The following LOC128092252 variants were observed in gnomAD, a reference collection of about 807,000 sequenced individuals.
the LOC128092252 span, among the ~76,000 whole-genome samples, chr15:50,670,506 A>G: frequency 6.6e-6 from 1 of 152,162 alleles, no homozygotes; most frequent in Admixed American, 6.5e-5. Flanking sequence ...GCTAATTATA[A>G]TGTATCACCA....
At chr15:50,672,186 TG>T in the LOC128092252 span, among the ~76,000 whole-genome samples, 1 of 152,238 alleles carries the variant, frequency 6.6e-6, no homozygotes, top group South Asian at 2.1e-4. Context: ...CCTGAGCAGC[TG>T]GGACTACAGG....
chr15:50,662,633 T>C, the LOC128092252 span, among the ~76,000 whole-genome samples: 5 of 152,184 alleles, frequency 3.3e-5, no homozygotes, highest in African/African-American at 1.2e-4. Flanking sequence ...CAAATTTAAG[T>C]TCCCAATATC....
the LOC128092252 span, among the ~76,000 whole-genome samples, chr15:50,681,023 C>T: frequency 2.0e-5 from 3 of 151,984 alleles, no homozygotes; most frequent in African/African-American, 7.2e-5. Flanking sequence ...GAGGCCAAGG[C>T]GGGCAGATCA....
chr15:50,686,554 C>T, the LOC128092252 span: 1 of 1,609,678 alleles, frequency 6.2e-7, no homozygotes, highest in Non-Finnish European at 8.5e-7. Context: ...GGGCGGACTC[C>T]GGAAGGGCAG....
At chr15:50,685,411 C>A in the LOC128092252 span, among the ~76,000 whole-genome samples, 1 of 152,176 alleles carries the variant, frequency 6.6e-6, no homozygotes, top group South Asian at 2.1e-4. Flanking sequence ...GAGCGGAGAT[C>A]GCGCCACTTC....
At chr15:50,683,137 C>T in the LOC128092252 span, among the ~76,000 whole-genome samples, 1 of 151,820 alleles carries the variant, frequency 6.6e-6, no homozygotes, top group Non-Finnish European at 1.5e-5. Flanking sequence ...ATCCACCCGC[C>T]TCAGTCTCTC....
At chr15:50,673,065 AATTT>A in the LOC128092252 span, among the ~76,000 whole-genome samples, 3 of 151,242 alleles carry the variant, frequency 2.0e-5, no homozygotes, top group East Asian at 1.9e-4. Context: ...AGCTAGCGTT[AATTT>A]ATTATTGAAT....
At chr15:50,679,538 A>ATTTTTTTTTTTTTTTTTTT in the LOC128092252 span, among the ~76,000 whole-genome samples, 1 of 43,904 alleles carries the variant, frequency 2.3e-5, no homozygotes, top group African/African-American at 1.1e-4. Context: ...ATATATATAT[A>ATTTTTTTTTTTTTTTTTTT]TTTTTTTTTT....
the LOC128092252 span, chr15:50,662,963 T>C: frequency 8.1e-6 from 13 of 1,608,104 alleles, no homozygotes; most frequent in East Asian, 2.5e-4. Flanking sequence ...AAAGGTGTGC[T>C]TACCTGTGAG....
At chr15:50,684,534 G>A in the LOC128092252 span, among the ~76,000 whole-genome samples, 1 of 151,906 alleles carries the variant, frequency 6.6e-6, no homozygotes, top group Non-Finnish European at 1.5e-5. Flanking sequence ...CCAGCTACTC[G>A]GGAGGCTGAG....
chr15:50,662,863 G>C, the LOC128092252 span: 7 of 835,364 alleles, frequency 8.4e-6, no homozygotes, highest in Admixed American at 1.0e-4. Flanking sequence ...GTAACAGTAA[G>C]TACAAATAAT....
chr15:50,678,506 T>TAAAA, the LOC128092252 span, among the ~76,000 whole-genome samples: 14 of 128,742 alleles, frequency 1.1e-4, no homozygotes, highest in African/African-American at 4.2e-4. Flanking sequence ...TTCCATTCTT[T>TAAAA]AAAAAAAAAA....
At chr15:50,679,162 G>A in the LOC128092252 span, among the ~76,000 whole-genome samples, 30 of 136,578 alleles carry the variant, frequency 2.2e-4, 1 homozygote, top group African/African-American at 8.6e-4. Context: ...ATTAACCACC[G>A]CACCCAGTCA....
the LOC128092252 span, among the ~76,000 whole-genome samples, chr15:50,650,961 G>A: frequency 7.9e-5 from 12 of 152,254 alleles, no homozygotes; most frequent in Middle Eastern, 3.4e-3. Flanking sequence ...AATGGAGACC[G>A]GCAGTTTGCT....
the LOC128092252 span, among the ~76,000 whole-genome samples, chr15:50,655,000 C>CAAAAAA: frequency 1.4e-4 from 10 of 69,322 alleles, no homozygotes; most frequent in Admixed American, 1.8e-4. Context: ...CACTCCGTCT[C>CAAAAAA]AAAAAAAAAA....
the LOC128092252 span, among the ~76,000 whole-genome samples, chr15:50,655,171 C>A: frequency 1.4e-5 from 2 of 143,306 alleles, no homozygotes; most frequent in Non-Finnish European, 3.2e-5. Flanking sequence ...TGCAGTGGCT[C>A]ACGCCTGTAA....
At chr15:50,677,738 C>CAAAAA in the LOC128092252 span, among the ~76,000 whole-genome samples, 77 of 37,878 alleles carry the variant, frequency 2.0e-3, no homozygotes, top group African/African-American at 3.2e-3. Flanking sequence ...GACCCCGTAT[C>CAAAAA]AAAAAAAAAA....
At chr15:50,670,810 G>GAA in the LOC128092252 span, among the ~76,000 whole-genome samples, 23,535 of 113,226 alleles carry the variant, frequency 0.21, 2,141 homozygotes, top group Admixed American at 0.33. Flanking sequence ...AAAAGAAAAA[G>GAA]AAAAAAAAAA....
At chr15:50,649,785 G>C in the LOC128092252 span, among the ~76,000 whole-genome samples, 1 of 152,160 alleles carries the variant, frequency 6.6e-6, no homozygotes, top group Non-Finnish European at 1.5e-5. Flanking sequence ...AAAATCAGAT[G>C]AGAGTTTGAG....
Sources: gnomAD v4.1 joint callset for allele counts (sites outside exome capture counted in the v4.1 genomes callset) on GRCh38, gnomAD v4.1.1 for gene constraint, MANE v1.5 for transcripts.